DHRS3: variants seen among roughly 807,000 people sequenced by gnomAD.
DHRS3 encodes short-chain dehydrogenase/reductase 3.
In DHRS3, 14 loss-of-function variants were observed where a neutral mutation model predicts 27.2. The observed-to-expected ratio is 0.52, with a 90% CI of 0.34 to 0.81. The LOEUF (loss-of-function observed/expected upper bound fraction) is 0.81, where lower values mean the gene tolerates loss of function less well. Among genes scored for constraint, DHRS3 ranks in the 30% least tolerant of loss-of-function variants. The pLI is 0.01. For missense variants in DHRS3, 322 were observed against 406.2 expected (o/e 0.79, Z 1.78); for synonymous variants, 165 against 175.9 (o/e 0.94, Z 0.49).
intron 1 of DHRS3, among the ~76,000 whole-genome samples, chr1:12,609,623 G>A (rs1165790280): frequency 6.6e-6 from 1 of 152,192 alleles, no homozygotes; most frequent in African/African-American, 2.4e-5. Context: ...TATTTTTGGA[G>A]GAGGCATGGA....
chr1:12,568,488 G>A (rs903842360), intron 5 of DHRS3, 64 bp from the exon 6 acceptor site: 18 of 1,516,014 alleles, frequency 1.2e-5, no homozygotes, highest in Non-Finnish European at 1.6e-5. Context: ...GGGCTGGGTC[G>A]CTGGTGGCCA....
chr1:12,572,078 A>T (rs1164628993), intron 5 of DHRS3, among the ~76,000 whole-genome samples: 2 of 152,232 alleles, frequency 1.3e-5, no homozygotes, highest in African/African-American at 2.4e-5. Context: ...TCATAAAAAT[A>T]TATTTATATT....
At chr1:12,610,295 T>C (rs1646900443) in intron 1 of DHRS3, among the ~76,000 whole-genome samples, 1 of 151,874 alleles carries the variant, frequency 6.6e-6, no homozygotes, top group Admixed American at 6.6e-5. Flanking sequence ...TTCACCATGT[T>C]GGGTCAAGCT....
chr1:12,611,454 T>C (rs80064753), intron 1 of DHRS3, among the ~76,000 whole-genome samples: 140 of 152,342 alleles, frequency 9.2e-4, no homozygotes, highest in African/African-American at 3.2e-3. Context: ...AATAAATCCA[T>C]GGCAGACAGC....
chr1:12,579,096 C>T (rs1646619514), intron 3 of DHRS3, 140 bp from the exon 4 acceptor site: 3 of 1,245,426 alleles, frequency 2.4e-6, no homozygotes, highest in Admixed American at 2.0e-5. Flanking sequence ...GGGCCGAGGG[C>T]TCCCTGCCCC....
intron 1 of DHRS3, among the ~76,000 whole-genome samples, chr1:12,611,550 C>T (rs1188330326): frequency 1.3e-5 from 2 of 152,164 alleles, no homozygotes; most frequent in African/African-American, 4.8e-5. Context: ...GCTTCTTTTT[C>T]ATTTGGTGGC....
intron 5 of DHRS3, among the ~76,000 whole-genome samples, chr1:12,571,425 G>A (rs945743124): frequency 1.3e-5 from 2 of 152,154 alleles, no homozygotes; most frequent in African/African-American, 4.8e-5. Flanking sequence ...AACTTCCTGA[G>A]GGCAGGGGCT....
intron 1 of DHRS3, among the ~76,000 whole-genome samples, chr1:12,605,168 A>G (rs938152357): frequency 1.3e-5 from 2 of 151,912 alleles, no homozygotes; most frequent in African/African-American, 2.4e-5. Flanking sequence ...GTGTGTTACC[A>G]TCGTCACACA....
Position 12,594,893 on chromosome 1 carries a change from C to T in DHRS3, c.196-14227G>A, listed in dbSNP as rs931797068. Among the ~76,000 whole-genome samples the T allele has an allele frequency of 6.6e-6, 1 of 152,068 alleles. No homozygotes were observed. Among genetic ancestry groups the T allele is most frequent in the Non-Finnish European group, 1.5e-5 (1 of 67,992 alleles). On this transcript the variant is annotated intron_variant, in intron 1 of 5. Coordinates refer to ENST00000616661, the MANE Select transcript of DHRS3 (RefSeq NM_004753.7). The surrounding 1 kb of genome is among the most constrained non-coding windows in gnomAD (Gnocchi z 4.1). ...GGAGAAGAGGGATTCTGGACGGTTG[C>T]AGAGCTGGGTGCTGGAGAAAGTGAG...
At chr1:12,606,259 GA>G (rs1436459680) in intron 1 of DHRS3, among the ~76,000 whole-genome samples, 1 of 107,748 alleles carries the variant, frequency 9.3e-6, no homozygotes, top group African/African-American at 3.5e-5. Flanking sequence ...AAATTAGAAA[GA>G]AAAAATTCAT....
intron 1 of DHRS3, among the ~76,000 whole-genome samples, chr1:12,609,332 TCCTCA>T (rs1018229754): frequency 6.6e-6 from 1 of 151,764 alleles, no homozygotes; most frequent in Admixed American, 6.6e-5. Context: ...GGTTGTCACT[TCCTCA>T]CCTAAGTTAC....
rs1646623077 is a variant in DHRS3 at position 12,579,297 on chromosome 1, A to T, written c.455T>A (p.Phe152Tyr). 1 of 1,613,940 alleles carries T rather than the reference A, an allele frequency of 6.2e-7. No individual in the cohort carries two copies. Among genetic ancestry groups the T allele is most frequent in the South Asian group, 1.1e-5 (1 of 91,090 alleles). Residue 152 changes from phenylalanine (F) to tyrosine (Y), a missense_variant, in exon 3 of 6, where the codon TTC (phenylalanine) becomes TAC (tyrosine). Transcript: ENST00000616661. ...KSQHINTLGQ[F>Y]WTTKAFLPRM... The stretch of plus-strand genomic sequence containing the variant: ...CTGGCCCCGGATAGCCCTTACCCAG[A>T]ACTGGCCCAGGGTGTTGATGTGTTG...
chr1:12,617,031 G>A (rs1418208586), intron 1 of DHRS3, 123 bp downstream of exon 1: 3 of 1,185,866 alleles, frequency 2.5e-6, no homozygotes, highest in Non-Finnish European at 3.5e-6. Flanking sequence ...ACTCGTGGGT[G>A]GCGCGGAGAA....
At chr1:12,584,749 C>T (rs2100673986) in intron 1 of DHRS3, among the ~76,000 whole-genome samples, 1 of 152,342 alleles carries the variant, frequency 6.6e-6, no homozygotes, top group East Asian at 1.9e-4. Context: ...TGAGGAGCAG[C>T]TTTCACAGGG....
intron 1 of DHRS3, among the ~76,000 whole-genome samples, chr1:12,609,200 G>A (rs1646890487): frequency 6.6e-6 from 1 of 152,172 alleles, no homozygotes; most frequent in Non-Finnish European, 1.5e-5. Context: ...AGAACACTAA[G>A]TGTCACAAGG....
Position 12,617,291 on chromosome 1 carries a change from C to A in DHRS3, c.58G>T (p.Val20Leu), listed in dbSNP as rs1486408261. The A allele has an allele frequency of 1.9e-6, 3 of 1,613,654 alleles. No individual in the cohort carries two copies. Among genetic ancestry groups the A allele is most frequent in the Non-Finnish European group, 2.5e-6 (3 of 1,179,954 alleles). Residue 20 changes from valine to leucine, a missense_variant, in exon 1 of 6, where the codon GTG (valine) becomes TTG (leucine). Coordinates refer to ENST00000616661, the MANE Select transcript of DHRS3 (RefSeq NM_004753.7). ...ACCAGTCCGACGGCTGCTTTCACCA[C>A]CAGATAGATCATCTGTAGAGGGAAC... ...VMFPLQMIYL[V>L]VKAAVGLVLP...
At position 12,568,484 on chromosome 1, in the gene DHRS3, G is replaced by C. The variant is rs945379012; in HGVS notation, c.825-60C>G. 6 of 1,535,874 alleles carry C rather than the reference G, an allele frequency of 3.9e-6. No individual in the cohort carries two copies. The African/African-American group carries it at 6.9e-5, about 18-fold the overall frequency. On this transcript the variant is annotated intron_variant, in intron 5 of 5. Coordinates refer to ENST00000616661, the MANE Select transcript of DHRS3 (RefSeq NM_004753.7). ...TTAGTGGGGCAGGATCCAGGGGCTG[G>C]GTCGCTGGTGGCCATGTGAGACGGG...
chr1:12,584,300 G>C (rs894420863), intron 1 of DHRS3, among the ~76,000 whole-genome samples: 5 of 152,168 alleles, frequency 3.3e-5, no homozygotes, highest in African/African-American at 9.7e-5. Context: ...AAGTGGAGCA[G>C]GGCTGAGGGA....
intron 4 of DHRS3, among the ~76,000 whole-genome samples, chr1:12,575,592 T>G (rs1185428287): frequency 6.6e-6 from 1 of 152,196 alleles, no homozygotes; most frequent in Non-Finnish European, 1.5e-5. Flanking sequence ...GGGGCTCCCC[T>G]GCACAACCAT....
Sources: gnomAD v4.1 joint callset for allele counts (sites outside exome capture counted in the v4.1 genomes callset) on GRCh38, gnomAD v4.1.1 for gene constraint, Gnocchi (gnomAD v3.1) non-coding constraint, MANE v1.5 for transcripts, NCBI Gene and HGNC (gene_info 2026-07-23, HGNC 2026-07-21) for gene names.